The following SPATA9 variants were observed in gnomAD, a reference collection of about 807,000 sequenced individuals.
SPATA9 encodes the protein spermatogenesis-associated protein 9.
In SPATA9, 27 loss-of-function variants were observed where a neutral mutation model predicts 25.5. The ratio of observed to expected loss-of-function variants is 1.06; its 90% confidence interval spans 0.78 to 1.46. The LOEUF is 1.46. SPATA9 is among the 40% of genes most tolerant of loss of function. The pLI, the probability that SPATA9 is intolerant of heterozygous loss-of-function variation, is 0.00. For missense variants in SPATA9, 282 were observed against 297.5 expected, an observed-to-expected ratio of 0.95 and a Z score of 0.38; for synonymous variants, 102 against 105.7, an observed-to-expected ratio of 0.97 and a Z score of 0.21.
the SPATA9 span, chr5:95,731,180 A>C: frequency 1.9e-5 from 19 of 1,007,372 alleles, no homozygotes; most frequent in Non-Finnish European, 2.1e-5. Flanking sequence ...AGCCGCCGCC[A>C]CCGGAGCTCC....
chr5:95,714,736 CAAAA>C, the SPATA9 span, among the ~76,000 whole-genome samples: 4,733 of 138,008 alleles, frequency 0.034, 82 homozygotes, highest in South Asian at 0.047. Context: ...AAATCAATTT[CAAAA>C]AAAAAAAAAA....
chr5:95,707,447 AG>A, the SPATA9 span, among the ~76,000 whole-genome samples: 1 of 151,926 alleles, frequency 6.6e-6, no homozygotes, highest in Non-Finnish European at 1.5e-5. Flanking sequence ...GCCCCGAGGA[AG>A]GGGCTTGATT....
At chr5:95,663,846 G>A in intron 4 of SPATA9, 107 bp downstream of exon 4, 1 of 564,072 alleles carries the variant, frequency 1.8e-6, no homozygotes, top group Non-Finnish European at 2.7e-6. Context: ...TAACGAGACT[G>A]TGAATGGTAA....
At chr5:95,686,316 T>C (rs140506981), upstream of SPATA9, among the ~76,000 whole-genome samples, 2 of 152,306 alleles carry the variant, frequency 1.3e-5, no homozygotes, top group African/African-American at 4.8e-5. Flanking sequence ...TTTAACTATG[T>C]AGGTAAAACT....
At chr5:95,655,038 T>G (rs557421522), downstream of SPATA9, among the ~76,000 whole-genome samples, 1 of 152,200 alleles carries the variant, frequency 6.6e-6, no homozygotes, top group South Asian at 2.1e-4. Context: ...TCTTGTTTCT[T>G]CATGAAATTG....
At chr5:95,657,277 T>G (rs550174079), downstream of SPATA9, 29 of 152,060 alleles carry the variant, frequency 1.9e-4, no homozygotes, top group African/African-American at 1.4e-4. Flanking sequence ...ATCATGTCAG[T>G]TATTTATGGT....
the SPATA9 span, among the ~76,000 whole-genome samples, chr5:95,711,171 G>C: frequency 2.0e-5 from 3 of 152,076 alleles, no homozygotes; most frequent in South Asian, 2.1e-4. Context: ...CAAAGTTCTC[G>C]TTCCACTTGA....
chr5:95,695,864 T>C (rs997950483), intron 1 of SPATA9, among the ~76,000 whole-genome samples: 3 of 152,108 alleles, frequency 2.0e-5, no homozygotes, highest in African/African-American at 7.2e-5. Flanking sequence ...ACAGCAGAAA[T>C]GATGGAATGT....
At chr5:95,713,928 A>T in the SPATA9 span, among the ~76,000 whole-genome samples, 14 of 152,172 alleles carry the variant, frequency 9.2e-5, no homozygotes, top group African/African-American at 2.6e-4. Flanking sequence ...ATATATATAT[A>T]ATTTTGTATG....
chr5:95,674,985 T>C lies in SPATA9; in HGVS notation c.378+427A>G, dbSNP rs180709453. Among the ~76,000 whole-genome samples, 98 of 152,312 alleles carry C rather than the reference T, an allele frequency of 6.4e-4. 1 individual carries two copies. Among genetic ancestry groups the C allele is most frequent in the Non-Finnish European group, 1.2e-3 (85 of 68,014 alleles). Reference sequence around the variant, plus strand: ...AAGAGTTGTTGTCCTCAACAAAATATAACACAGCCTCAATAAGAATGTAGA... The same window carrying C: ...AAGAGTTGTTGTCCTCAACAAAATACAACACAGCCTCAATAAGAATGTAGA... On this transcript the variant is annotated intron_variant, in intron 3 of 4. Transcript: ENST00000274432.
At chr5:95,652,936 C>T (rs1283403272), downstream of SPATA9, 14 of 760,138 alleles carry the variant, frequency 1.8e-5, no homozygotes, top group Non-Finnish European at 2.2e-5. Context: ...AATCAATTCA[C>T]ACTTTCCTGC....
upstream of SPATA9, among the ~76,000 whole-genome samples, chr5:95,702,999 T>A (rs1754213626): frequency 6.6e-6 from 1 of 152,232 alleles, no homozygotes; most frequent in Non-Finnish European, 1.5e-5. Context: ...TAAAGTACCA[T>A]TTGCATTAAA....
chr5:95,694,687 T>G (rs1257255925), intron 1 of SPATA9, among the ~76,000 whole-genome samples: 2 of 152,212 alleles, frequency 1.3e-5, no homozygotes, highest in Non-Finnish European at 2.9e-5. Flanking sequence ...GATTTCTCAA[T>G]TACTTTGTAC....
the SPATA9 span, among the ~76,000 whole-genome samples, chr5:95,710,874 A>G: frequency 0.13 from 19,650 of 152,026 alleles, 1,545 homozygotes; most frequent in Non-Finnish European, 0.16. Flanking sequence ...CTTTTGGGCT[A>G]TTTCTAAAAG....
At chr5:95,700,961 C>A (rs932791180), upstream of SPATA9, among the ~76,000 whole-genome samples, 5 of 152,106 alleles carry the variant, frequency 3.3e-5, no homozygotes, top group African/African-American at 1.2e-4. Context: ...AGAATCCACA[C>A]CACAAGAATT....
chr5:95,669,509 T>C (rs1210688766), intron 3 of SPATA9, among the ~76,000 whole-genome samples: 1 of 152,198 alleles, frequency 6.6e-6, no homozygotes, highest in African/African-American at 2.4e-5. Flanking sequence ...GCCCAGGCAT[T>C]GTAAACGCTG....
chr5:95,729,492 AAT>A, the SPATA9 span, among the ~76,000 whole-genome samples: 3 of 152,326 alleles, frequency 2.0e-5, no homozygotes, highest in South Asian at 6.2e-4. Context: ...AAAATATAAC[AAT>A]AGTTACCATG....
chr5:95,667,598 ACT>A (rs1561400202), intron 3 of SPATA9, among the ~76,000 whole-genome samples: 2 of 152,148 alleles, frequency 1.3e-5, no homozygotes, highest in Admixed American at 6.5e-5. Flanking sequence ...TAGAGAGCAG[ACT>A]CTCTAGGAGG....
intron 4 of SPATA9, among the ~76,000 whole-genome samples, chr5:95,662,063 T>G (rs1462850235): frequency 6.6e-6 from 1 of 152,116 alleles, no homozygotes; most frequent in Non-Finnish European, 1.5e-5. Context: ...AGTGCTCAAT[T>G]GGTACAAGAA....
Sources: gnomAD v4.1 joint callset for allele counts (sites outside exome capture counted in the v4.1 genomes callset) on GRCh38, gnomAD v4.1.1 for gene constraint, MANE v1.5 for transcripts, NCBI Gene and HGNC (gene_info 2026-07-23, HGNC 2026-07-21) for gene names.